Variants in FNBP1 observed in about 807,000 individuals in gnomAD.
FNBP1 encodes the protein formin binding protein 1.
Under a neutral mutation model 90.6 loss-of-function variants are expected in FNBP1, and 26 were observed. The ratio of observed to expected loss-of-function variants is 0.29; its 90% CI spans 0.21 to 0.40. The LOEUF is 0.40. FNBP1 is among the 10% of genes least tolerant of loss of function. The pLI is 1.00. For missense variants in FNBP1, 635 were observed against 768.0 expected, an observed-to-expected ratio of 0.83 and a Z score of 2.05; for synonymous variants, 260 against 265.2, an observed-to-expected ratio of 0.98 and a Z score of 0.19.
chr9:129,965,696 A>ACGCGCGCG (rs1554821618), intron 4 of FNBP1, among the ~76,000 whole-genome samples: 140 of 95,048 alleles, frequency 1.5e-3, no homozygotes, highest in Admixed American at 2.3e-3. Flanking sequence ...ACACACACAC[A>ACGCGCGCG]CGCGCGCGCG....
At chr9:129,921,064 A>G (rs2041010523) in intron 10 of FNBP1, among the ~76,000 whole-genome samples, 1 of 152,164 alleles carries the variant, frequency 6.6e-6, no homozygotes, top group Non-Finnish European at 1.5e-5. Context: ...GGCTTTTTTC[A>G]CATCTTTAGG....
rs528461426 is a variant in FNBP1, at chr9:129,996,946, T to C, written c.25-1988A>G. On this transcript the variant is annotated intron_variant, in intron 1 of 16. Transcript: ENST00000446176. The stretch of plus-strand genomic sequence containing the variant: ...CTGGGCTCAAGTGATCCTCCCGCCT[T>C]GGCATCCCAAAGTGCTGGGATTACA... 2.6e-5 allele frequency among the ~76,000 whole-genome samples: 4 copies of C among 152,128 alleles called. No individual in the cohort carries two copies. In the East Asian group the frequency reaches 5.9e-4, roughly 22 times the overall value.
In FNBP1 at chr9:129,888,027, C is replaced by T. The variant is rs1244504824; in HGVS notation, c.*2512G>A. The T allele has an allele frequency of 1.3e-5, 3 of 232,592 alleles. No individual in the cohort carries two copies. The highest frequency in any genetic ancestry group is 6.1e-5 in the East Asian group (1 of 16,508). The allele number at this position is 232,592 out of a possible 1,614,324, so 14.4% of individuals were successfully genotyped here. A position where few individuals can be genotyped will look rare whatever the true frequency, so the allele number is the denominator to read the frequency against. On this transcript the variant is annotated 3_prime_UTR_variant, in exon 17 of 17. Transcript: ENST00000446176. ...TTTCATGGAGCCACGCAGACTGGCC[C>T]GGAAGCAACACCCAGGTTCAACATT...
the FNBP1 span, among the ~76,000 whole-genome samples, chr9:130,053,080 C>A: frequency 6.6e-6 from 1 of 152,116 alleles, no homozygotes; most frequent in Non-Finnish European, 1.5e-5. Context: ...CGTGCCATTG[C>A]ACTCCAGCCT....
At chr9:129,938,856 C>T (rs571496437) in intron 6 of FNBP1, among the ~76,000 whole-genome samples, 28 of 152,286 alleles carry the variant, frequency 1.8e-4, no homozygotes, top group East Asian at 1.9e-4. Flanking sequence ...TCAGCACGAG[C>T]TTGGAGATCC....
intron 10 of FNBP1, chr9:129,919,090 C>T (rs532338118): frequency 5.1e-6 from 3 of 587,744 alleles, no homozygotes; most frequent in Admixed American, 4.8e-5. Flanking sequence ...GGTCCCCAGT[C>T]TTGGTGCTGT....
At position 129,980,742 on chromosome 9, in the gene FNBP1, T is replaced by C. The variant is rs576053383; in HGVS notation, c.141-1368A>G. 4.0e-4 allele frequency among the ~76,000 whole-genome samples: 60 copies of C among 149,276 alleles called. No homozygotes were observed. The Middle Eastern group carries it at 0.014, about 36-fold the overall frequency. On this transcript the variant is annotated intron_variant, in intron 2 of 16. Transcript: ENST00000446176. ...ATTTCTCCTGGGTCCTGACTTTAGG[T>C]GACTATAGTTAGAGAAATAGCCATA...
At position 130,031,352 on chromosome 9, in the gene FNBP1, G is replaced by A. The variant is rs1422064819; in HGVS notation, c.24+11600C>T. 2.0e-5 allele frequency among the ~76,000 whole-genome samples: 3 copies of A among 152,194 alleles called. No homozygotes were observed. Among genetic ancestry groups the A allele is most frequent in the Admixed American group, 2.0e-4 (3 of 15,272 alleles). Reference sequence around the variant, plus strand: ...GGTATTTCCCATGCTCTCAAGGTGAGGTCATAGTCCTCACATGGTTTTTAG... The same window carrying A: ...GGTATTTCCCATGCTCTCAAGGTGAAGTCATAGTCCTCACATGGTTTTTAG... On this transcript the variant is annotated intron_variant, in intron 1 of 16. Transcript: ENST00000446176. The surrounding 1 kb of genome is among the most constrained non-coding windows in gnomAD (Gnocchi z 4.2).
At chr9:130,007,997 C>CAAAA in intron 1 of FNBP1, among the ~76,000 whole-genome samples, 1 of 95,240 alleles carries the variant, frequency 1.0e-5, no homozygotes, top group Non-Finnish European at 1.9e-5. Context: ...GACTCTGTCT[C>CAAAA]AAAAAAAAAA....
rs777835848 is a variant in FNBP1, at chr9:129,915,945, G to T, written c.1185+21C>A. 7 of 1,597,418 alleles carry T rather than the reference G, an allele frequency of 4.4e-6. No individual in the cohort carries two copies. In the African/African-American group the frequency reaches 9.4e-5, roughly 21 times the overall value. Reference sequence around the variant, plus strand: ...GAAAACCTGATTAGACTCAGGACATGCATGGAACAATTGTGCTTACCAGCT... The same window carrying T: ...GAAAACCTGATTAGACTCAGGACATTCATGGAACAATTGTGCTTACCAGCT... On this transcript the variant is annotated intron_variant, in intron 11 of 16. Coordinates refer to ENST00000446176, the MANE Select transcript of FNBP1 (RefSeq NM_015033.3).
chr9:129,980,627 T>A (rs913321488), intron 2 of FNBP1, among the ~76,000 whole-genome samples: 31 of 151,138 alleles, frequency 2.1e-4, no homozygotes, highest in African/African-American at 7.1e-4. Context: ...AATATTTTTC[T>A]TTATATTCAC....
intron 4 of FNBP1, among the ~76,000 whole-genome samples, chr9:129,963,865 T>A (rs1377112365): frequency 1.3e-5 from 2 of 152,118 alleles, no homozygotes; most frequent in East Asian, 3.9e-4. Flanking sequence ...TATGCCTGCC[T>A]CAGACTCCGA....
At chr9:130,011,243 A>AATATATATATAT (rs1589249829) in intron 1 of FNBP1, among the ~76,000 whole-genome samples, 2 of 42,248 alleles carry the variant, frequency 4.7e-5, no homozygotes, top group African/African-American at 1.0e-4. Flanking sequence ...AAAAAAAAAA[A>AATATATATATAT]ATATATATAT....
At position 129,895,050 on chromosome 9, in the gene FNBP1, AAAC is replaced by A. The variant is rs571737647; in HGVS notation, c.1846+785_1846+787del. 2.3e-3 allele frequency among the ~76,000 whole-genome samples: 351 copies of A among 152,202 alleles called. 4 individuals are homozygous for A. Among genetic ancestry groups the A allele is most frequent in the African/African-American group, 7.8e-3 (322 of 41,500 alleles). ...GGCAACAGAGCCAGACTCTGTCTCA[AAAC>A]AACAACAACAACAAAAACACAAACA... is the stretch of plus-strand genomic sequence containing the variant. On this transcript the variant is annotated intron_variant, in intron 16 of 16. Coordinates refer to ENST00000446176, the MANE Select transcript of FNBP1 (RefSeq NM_015033.3).
At chr9:130,017,084 A>T (rs1030181895) in intron 1 of FNBP1, among the ~76,000 whole-genome samples, 15 of 145,282 alleles carry the variant, frequency 1.0e-4, no homozygotes, top group Middle Eastern at 3.4e-3. Context: ...CATCTCTTTT[A>T]AAAAAAAGGT....
intron 4 of FNBP1, among the ~76,000 whole-genome samples, chr9:129,973,506 T>C (rs1371674234): frequency 6.6e-6 from 1 of 152,180 alleles, no homozygotes; most frequent in Non-Finnish European, 1.5e-5. Context: ...TTTGTTTGTT[T>C]GTTTGTTTTT....
At chr9:129,980,455 T>C (rs1198722274) in intron 2 of FNBP1, among the ~76,000 whole-genome samples, 1 of 151,740 alleles carries the variant, frequency 6.6e-6, no homozygotes, top group Admixed American at 6.6e-5. Flanking sequence ...TGTGAATAAA[T>C]CTTCTTGAAG....
chr9:129,907,322 TTTAACATA>T (rs1448161049), intron 12 of FNBP1, among the ~76,000 whole-genome samples: 1 of 152,220 alleles, frequency 6.6e-6, no homozygotes, highest in African/African-American at 2.4e-5. Context: ...TTTGTTTACC[TTTAACATA>T]TTGATTCATT....
At chr9:130,039,676 C>CAAAA (rs34484229) in intron 1 of FNBP1, among the ~76,000 whole-genome samples, 1 of 116,636 alleles carries the variant, frequency 8.6e-6, no homozygotes, top group Non-Finnish European at 1.9e-5. Context: ...AGCTTTGTCT[C>CAAAA]AAAAAAAAAA....
Sources: gnomAD v4.1 joint callset for allele counts (sites outside exome capture counted in the v4.1 genomes callset) on GRCh38, gnomAD v4.1.1 for gene constraint, Gnocchi (gnomAD v3.1) non-coding constraint, MANE v1.5 for transcripts, NCBI Gene and HGNC (gene_info 2026-07-23, HGNC 2026-07-21) for gene names.